Variants in LYPD6B observed in about 807,000 individuals in gnomAD.
LYPD6B encodes LY6/PLAUR domain containing 6B.
LYPD6B carries 17 observed loss-of-function variants against 22.8 expected under a neutral mutation model. That is an observed-to-expected ratio of 0.75 (90% CI 0.51 to 1.12). The LOEUF (loss-of-function observed/expected upper bound fraction) is 1.12. Among genes scored for constraint, LYPD6B ranks in the 50% most tolerant of loss-of-function variants. LYPD6B has a pLI of 0.00. For missense variants in LYPD6B, 221 were observed against 258.3 expected (o/e 0.86, Z 0.99); for synonymous variants, 106 against 91.6 (o/e 1.16, Z -0.90).
At chr2:149,078,639 C>T (rs1310341075) in intron 1 of LYPD6B, among the ~76,000 whole-genome samples, 2 of 152,132 alleles carry the variant, frequency 1.3e-5, no homozygotes, top group East Asian at 3.9e-4. Flanking sequence ...AGATTATTGT[C>T]ACTGAATTTT....
chr2:149,085,976 C>G lies in LYPD6B; in HGVS notation c.-66-44907C>G, dbSNP rs1685371052. 2.6e-5 allele frequency among the ~76,000 whole-genome samples: 4 copies of G among 152,148 alleles called. No individual in the cohort carries two copies. The South Asian group carries it at 8.3e-4, about 32-fold the overall frequency. On this transcript the variant is annotated intron_variant, in intron 1 of 6. Coordinates refer to ENST00000409642, the MANE Select transcript of LYPD6B (RefSeq NM_177964.5). ...AGTTAGGCTATCAATGCCTCAATTA[C>G]TAAAGGCAACAGGAGAAAGGTGCAT... is the stretch of plus-strand genomic sequence containing the variant.
intron 1 of LYPD6B, among the ~76,000 whole-genome samples, chr2:149,119,697 G>T (rs1413755140): frequency 2.0e-5 from 3 of 152,202 alleles, no homozygotes; most frequent in Admixed American, 6.5e-5. Flanking sequence ...TTATCACTCT[G>T]CTAGATAGGA....
intron 1 of LYPD6B, among the ~76,000 whole-genome samples, chr2:149,056,022 T>C (rs922048903): frequency 1.3e-5 from 2 of 152,226 alleles, no homozygotes; most frequent in African/African-American, 4.8e-5. Context: ...ATCTGAGTGA[T>C]AGAGCAGGAG....
intron 1 of LYPD6B, among the ~76,000 whole-genome samples, chr2:149,092,944 T>C (rs566893612): frequency 6.6e-6 from 1 of 152,296 alleles, no homozygotes; most frequent in East Asian, 1.9e-4. Context: ...GACAGACTAA[T>C]CCACATGTCT....
chr2:149,155,079 G>A (rs1267892013), intron 2 of LYPD6B, among the ~76,000 whole-genome samples: 1 of 152,080 alleles, frequency 6.6e-6, no homozygotes. Flanking sequence ...TCAGTGTCAA[G>A]GGTATGTTCC....
At chr2:149,149,340 T>G (rs1689222703) in intron 2 of LYPD6B, among the ~76,000 whole-genome samples, 1 of 152,154 alleles carries the variant, frequency 6.6e-6, no homozygotes, top group Non-Finnish European at 1.5e-5. Context: ...GTTAATTTTG[T>G]GTGTGATTTT....
chr2:149,112,910 A>T (rs1040318562), intron 1 of LYPD6B, among the ~76,000 whole-genome samples: 1 of 152,186 alleles, frequency 6.6e-6, no homozygotes, highest in Non-Finnish European at 1.5e-5. Flanking sequence ...CAATAAGCCA[A>T]AATAAACAAA....
chr2:149,052,045 C>T (rs1191618892), intron 1 of LYPD6B, among the ~76,000 whole-genome samples: 4 of 152,086 alleles, frequency 2.6e-5, no homozygotes, highest in Non-Finnish European at 4.4e-5. Flanking sequence ...TCCTAAGCCT[C>T]ATACAATACT....
intron 1 of LYPD6B, among the ~76,000 whole-genome samples, chr2:149,070,759 T>C (rs1684566116): frequency 6.6e-6 from 1 of 152,200 alleles, no homozygotes. Flanking sequence ...TGGTTGGTAA[T>C]CATAGGAAGT....
intron 1 of LYPD6B, among the ~76,000 whole-genome samples, chr2:149,108,894 A>C (rs1378168931): frequency 1.3e-5 from 2 of 152,146 alleles, no homozygotes; most frequent in East Asian, 3.8e-4. Flanking sequence ...TATAGCATAC[A>C]TCTTTAACTT....
chr2:149,181,893 C>G (rs940014805), intron 3 of LYPD6B, among the ~76,000 whole-genome samples: 2 of 152,150 alleles, frequency 1.3e-5, no homozygotes, highest in African/African-American at 4.8e-5. Context: ...TCTTTCTTCT[C>G]CCTCCCATGG....
intron 1 of LYPD6B, among the ~76,000 whole-genome samples, chr2:149,091,397 A>ATG (rs892092353): frequency 4.6e-5 from 7 of 150,686 alleles, no homozygotes; most frequent in African/African-American, 1.7e-4. Context: ...TTATATATAT[A>ATG]AAGAGTGAAG....
chr2:149,095,865 A>G (rs1483343336), intron 1 of LYPD6B, among the ~76,000 whole-genome samples: 1 of 151,980 alleles, frequency 6.6e-6, no homozygotes, highest in East Asian at 1.9e-4. Context: ...GAGAGACCAT[A>G]GGCAGACAGA....
intron 1 of LYPD6B, among the ~76,000 whole-genome samples, chr2:149,057,662 C>A (rs1457149426): frequency 6.6e-6 from 1 of 152,172 alleles, no homozygotes; most frequent in Non-Finnish European, 1.5e-5. Context: ...AAACCAAACA[C>A]AAATACTGTG....
At chr2:149,097,349 A>G (rs1272670693) in intron 1 of LYPD6B, among the ~76,000 whole-genome samples, 1 of 152,246 alleles carries the variant, frequency 6.6e-6, no homozygotes, top group Non-Finnish European at 1.5e-5. Flanking sequence ...CTAGGGAGGA[A>G]CATCCTTTTG....
chr2:149,063,243 T>G (rs1208882832), intron 1 of LYPD6B, among the ~76,000 whole-genome samples: 1 of 152,188 alleles, frequency 6.6e-6, no homozygotes, highest in African/African-American at 2.4e-5. Context: ...ACTTCTTTAC[T>G]TTTATTTTTT....
chr2:149,159,589 CGTGT>C (rs60129822), intron 2 of LYPD6B, among the ~76,000 whole-genome samples: 5,097 of 145,676 alleles, frequency 0.035, 174 homozygotes, highest in African/African-American at 0.094. Context: ...CATATGTGTG[CGTGT>C]GTGTGTGTGT....
At chr2:149,142,071 G>A (rs1057471361) in intron 2 of LYPD6B, 4 of 152,180 alleles carry the variant, frequency 2.6e-5, no homozygotes, top group Non-Finnish European at 5.9e-5. Flanking sequence ...TCCTGTATAT[G>A]CAACCCTGCC....
chr2:149,123,489 C>T (rs978810812), intron 1 of LYPD6B, among the ~76,000 whole-genome samples: 9 of 151,842 alleles, frequency 5.9e-5, no homozygotes, highest in Non-Finnish European at 1.0e-4. Context: ...AATTACTACG[C>T]GGAGGAAAGG....
Sources: allele counts gnomAD v4.1 joint callset (sites outside exome capture counted in the v4.1 genomes callset), GRCh38; gene constraint gnomAD v4.1.1; transcripts MANE v1.5; gene names NCBI Gene and HGNC (gene_info 2026-07-23, HGNC 2026-07-21).